ADCK1: variants seen among roughly 807,000 people sequenced by gnomAD.
ADCK1 encodes the protein aarF domain-containing protein kinase 1.
Under a neutral mutation model 52.3 loss-of-function variants are expected in ADCK1, and 41 were observed. The ratio of observed to expected loss-of-function variants is 0.78; its 90% CI spans 0.61 to 1.02. The LOEUF is 1.02. Among genes scored for constraint, ADCK1 ranks in the 50% least tolerant of loss-of-function variants. The pLI, the probability that ADCK1 is intolerant of heterozygous loss-of-function variation, is 0.00. For missense variants in ADCK1, 658 were observed against 679.5 expected, an observed-to-expected ratio of 0.97 and a Z score of 0.35; for synonymous variants, 250 against 274.6, an observed-to-expected ratio of 0.91 and a Z score of 0.89.
intron 1 of ADCK1, among the ~76,000 whole-genome samples, chr14:77,808,437 A>G (rs996897579): frequency 6.6e-6 from 1 of 152,194 alleles, no homozygotes; most frequent in African/African-American, 2.4e-5. Flanking sequence ...TTCTGGATCA[A>G]TCACATTGAG....
chr14:77,908,885 T>C (rs11621178), intron 7 of ADCK1, among the ~76,000 whole-genome samples: 57,806 of 151,928 alleles, frequency 0.38, 11,266 homozygotes, highest in Middle Eastern at 0.47. Context: ...CACAGGTTGG[T>C]GTCCCCAGCA....
chr14:77,802,091 C>T (rs936506295), intron 1 of ADCK1, among the ~76,000 whole-genome samples: 4 of 152,060 alleles, frequency 2.6e-5, no homozygotes, highest in African/African-American at 9.7e-5. Context: ...ACTTTTTGCT[C>T]TCTTGGTGGG....
At chr14:77,921,326 C>CTAAAAAAAAAAAAAA (rs2084048411) in intron 7 of ADCK1, among the ~76,000 whole-genome samples, 1 of 41,208 alleles carries the variant, frequency 2.4e-5, no homozygotes, top group Non-Finnish European at 4.9e-5. Context: ...GACTCTGTCT[C>CTAAAAAAAAAAAAAA]AAAAAAAAAA....
At chr14:77,925,299 C>A (rs2140295570) in intron 8 of ADCK1, among the ~76,000 whole-genome samples, 1 of 152,340 alleles carries the variant, frequency 6.6e-6, no homozygotes, top group South Asian at 2.1e-4. Context: ...ACATGCCAGT[C>A]CTGGATGGGT....
intron 4 of ADCK1, among the ~76,000 whole-genome samples, chr14:77,870,544 G>A (rs529353912): frequency 6.6e-6 from 1 of 152,338 alleles, no homozygotes; most frequent in South Asian, 2.1e-4. Flanking sequence ...GGCCCTGCGA[G>A]GAGGCTCTTT....
chr14:77,805,987 C>CTTTTTTTTTTTTTT (rs530925697), intron 1 of ADCK1, among the ~76,000 whole-genome samples: 1 of 87,702 alleles, frequency 1.1e-5, no homozygotes. Context: ...ATTCTTACGG[C>CTTTTTTTTTTTTTT]TTTTTTTTTT....
chr14:77,809,390 C>T (rs1011908801), intron 1 of ADCK1, among the ~76,000 whole-genome samples: 2 of 152,018 alleles, frequency 1.3e-5, no homozygotes, highest in African/African-American at 2.4e-5. Context: ...AGTGCAATGG[C>T]GTGACCTTGG....
intron 6 of ADCK1, among the ~76,000 whole-genome samples, chr14:77,907,142 G>A (rs1305359896): frequency 6.6e-6 from 1 of 152,166 alleles, no homozygotes; most frequent in African/African-American, 2.4e-5. Flanking sequence ...TTGAACTTCT[G>A]AGCTCAAGCA....
Position 77,931,623 on chromosome 14 carries a change from C to T in ADCK1, c.1312C>T (p.Leu438=), listed in dbSNP as rs781463871. ...MLLILKTNDL[L]RGIEAALGTR... is the part of the protein sequence containing the mutation. ...GCTCATCTTGAAGACCAACGACCTG[C>T]TGCGTGGCATTGAGGCCGCCCTGGG... The change falls in exon 10 of 11, where the codon CTG becomes TTG. Residue 438 remains leucine, a synonymous_variant. Coordinates refer to ENST00000238561, the MANE Select transcript of ADCK1 (RefSeq NM_020421.4). 6.2e-7 allele frequency: 1 copy of T among 1,613,122 alleles called. No individual in the cohort carries two copies. The highest frequency in any genetic ancestry group is 1.3e-5 in the African/African-American group (1 of 74,948).
intron 7 of ADCK1, among the ~76,000 whole-genome samples, chr14:77,917,699 A>G (rs765491494): frequency 6.6e-6 from 1 of 152,210 alleles, no homozygotes; most frequent in Non-Finnish European, 1.5e-5. Flanking sequence ...ATGTGGAACA[A>G]TTAAAAGATT....
chr14:77,869,912 G>C (rs1367736667), intron 4 of ADCK1, among the ~76,000 whole-genome samples: 1 of 152,134 alleles, frequency 6.6e-6, no homozygotes, highest in Non-Finnish European at 1.5e-5. Flanking sequence ...GATTGACTTA[G>C]CCTAAGTCAG....
At chr14:77,924,719 C>T (rs530359872) in intron 8 of ADCK1, 113 bp downstream of exon 8, 34 of 1,393,292 alleles carry the variant, frequency 2.4e-5, no homozygotes, top group Non-Finnish European at 2.8e-5. Flanking sequence ...GGAAAGGACC[C>T]TTCCCTCTCC....
At chr14:77,802,449 G>T (rs1252351531) in intron 1 of ADCK1, among the ~76,000 whole-genome samples, 1 of 151,882 alleles carries the variant, frequency 6.6e-6, no homozygotes, top group East Asian at 2.0e-4. Flanking sequence ...ATCAGTCAGG[G>T]ATTCCTTTTT....
At chr14:77,855,065 G>A (rs1034266574) in intron 3 of ADCK1, among the ~76,000 whole-genome samples, 1 of 152,238 alleles carries the variant, frequency 6.6e-6, no homozygotes, top group East Asian at 1.9e-4. Context: ...TGGAATAGCA[G>A]CAAAGACTCT....
intron 3 of ADCK1, among the ~76,000 whole-genome samples, chr14:77,842,829 T>G (rs2082101920): frequency 2.0e-5 from 3 of 151,976 alleles, no homozygotes; most frequent in Admixed American, 2.0e-4. Context: ...GGTTTACAGG[T>G]GTGAGCCATT....
chr14:77,891,727 C>T (rs923905421), intron 5 of ADCK1, among the ~76,000 whole-genome samples: 12 of 152,108 alleles, frequency 7.9e-5, no homozygotes, highest in Middle Eastern at 3.2e-3. Flanking sequence ...GGAATGGAGG[C>T]CTGAGGCCAC....
intron 1 of ADCK1, among the ~76,000 whole-genome samples, chr14:77,807,691 T>C (rs1431775801): frequency 6.6e-6 from 1 of 151,712 alleles, no homozygotes; most frequent in South Asian, 2.1e-4. Context: ...GTATTTTTAG[T>C]AGAGATGGGG....
chr14:77,875,202 G>A (rs1353690076), intron 4 of ADCK1, among the ~76,000 whole-genome samples: 1 of 152,142 alleles, frequency 6.6e-6, no homozygotes, highest in Non-Finnish European at 1.5e-5. Context: ...ATTTGCAGAT[G>A]GAAACCACAG....
intron 7 of ADCK1, among the ~76,000 whole-genome samples, chr14:77,921,579 G>A (rs2084062533): frequency 6.6e-6 from 1 of 152,120 alleles, no homozygotes; most frequent in Admixed American, 6.6e-5. Flanking sequence ...ACAGAACCAT[G>A]CCATTGGCAG....
Sources: allele counts gnomAD v4.1 joint callset (sites outside exome capture counted in the v4.1 genomes callset), GRCh38; gene constraint gnomAD v4.1.1; transcripts MANE v1.5; gene names NCBI Gene and HGNC (gene_info 2026-07-23, HGNC 2026-07-21).